NCR1: variants seen among roughly 807,000 people sequenced by gnomAD.
NCR1 encodes NK cell-activating receptor.
In NCR1, 30 loss-of-function variants were observed where a neutral mutation model predicts 32.5. The ratio of observed to expected loss-of-function variants is 0.92; its 90% CI spans 0.69 to 1.25. The LOEUF (loss-of-function observed/expected upper bound fraction) is 1.25. Among genes scored for constraint, NCR1 ranks in the 50% most tolerant of loss-of-function variants. The pLI, the probability that NCR1 is intolerant of heterozygous loss-of-function variation, is 0.00. For synonymous variants in NCR1, 169 were observed against 143.4 expected (o/e 1.18, Z -1.28); for missense variants, 369 against 380.7 (o/e 0.97, Z 0.26).
downstream of NCR1, among the ~76,000 whole-genome samples, chr19:54,915,118 G>A (rs939486522): frequency 3.9e-5 from 6 of 152,098 alleles, no homozygotes; most frequent in Non-Finnish European, 8.8e-5. Flanking sequence ...CGGCATGCAT[G>A]TCCATTTTCC....
chr19:54,933,063 C>G, the NCR1 span, among the ~76,000 whole-genome samples: 1 of 152,188 alleles, frequency 6.6e-6, no homozygotes, highest in African/African-American at 2.4e-5. Flanking sequence ...AACTACTCAT[C>G]TCAAATCTTC....
the NCR1 span, among the ~76,000 whole-genome samples, chr19:54,924,297 C>G: frequency 3.9e-5 from 6 of 152,060 alleles, no homozygotes; most frequent in Non-Finnish European, 7.4e-5. Context: ...AAATTTAGAC[C>G]CACACAATGG....
At chr19:54,912,027 G>A in intron 5 of NCR1, 141 bp from the exon 6 acceptor site, 1 of 722,214 alleles carries the variant, frequency 1.4e-6, no homozygotes, top group Non-Finnish European at 2.5e-6. Context: ...CACTTTACCT[G>A]CTGGATGAAG....
chr19:54,906,392 C>T lies in NCR1; in HGVS notation c.70+58C>T, dbSNP rs587718383. 5.0e-4 allele frequency: 801 copies of T among 1,607,274 alleles called. 10 individuals are homozygous for T. In the South Asian group the frequency reaches 8.2e-3, roughly 17 times the overall value. On this transcript the variant is annotated intron_variant, in intron 2 of 6. Transcript: ENST00000291890. ...TTCCGGATTCAGGCCAAGCTCCTTC[C>T]ACCCAAGCACGGCTGGGGTGAGGGG...
chr19:54,899,267 G>C, the NCR1 span, among the ~76,000 whole-genome samples: 1 of 152,186 alleles, frequency 6.6e-6, no homozygotes, highest in Admixed American at 6.5e-5. Context: ...TTGGGGTCAA[G>C]CAGCATTGCA....
the NCR1 span, chr19:54,923,900 C>T: frequency 7.5e-7 from 1 of 1,336,726 alleles, no homozygotes; most frequent in Non-Finnish European, 9.9e-7. Context: ...CACAAATGTT[C>T]CCAGAAATTC....
intron 5 of NCR1, among the ~76,000 whole-genome samples, chr19:54,910,415 C>A (rs2067911958): frequency 6.6e-6 from 1 of 151,892 alleles, no homozygotes; most frequent in Non-Finnish European, 1.5e-5. Context: ...ACTAAAAATA[C>A]AAAAATTAGC....
At chr19:54,923,694 C>A in the NCR1 span, 2 of 1,609,642 alleles carry the variant, frequency 1.2e-6, no homozygotes, top group Non-Finnish European at 1.7e-6. Flanking sequence ...ATCTTAGAGA[C>A]CCGAATCCCG....
chr19:54,921,690 T>C, the NCR1 span, among the ~76,000 whole-genome samples: 1 of 146,590 alleles, frequency 6.8e-6, no homozygotes, highest in Non-Finnish European at 1.5e-5. Context: ...AAGACTCACT[T>C]GAACCCAGGA....
At chr19:54,929,006 G>C in the NCR1 span, among the ~76,000 whole-genome samples, 1 of 152,074 alleles carries the variant, frequency 6.6e-6, no homozygotes, top group South Asian at 2.1e-4. Context: ...TTGAGCTTTT[G>C]AGTCTTTGGA....
chr19:54,933,014 A>C, the NCR1 span, among the ~76,000 whole-genome samples: 1 of 152,168 alleles, frequency 6.6e-6, no homozygotes, highest in African/African-American at 2.4e-5. Context: ...TGTCATAGGA[A>C]TTTGAAAGAA....
chr19:54,919,702 G>A (rs574834349), downstream of NCR1, among the ~76,000 whole-genome samples: 104 of 143,506 alleles, frequency 7.2e-4, no homozygotes, highest in Admixed American at 1.1e-3. Flanking sequence ...AAACTCCCCC[G>A]GGGAAAGGGA....
downstream of NCR1, among the ~76,000 whole-genome samples, chr19:54,916,702 A>ATTTTTTTTTTTTTTTTT (rs35842513): frequency 2.0e-5 from 1 of 50,480 alleles, no homozygotes; most frequent in Non-Finnish European, 3.4e-5. Flanking sequence ...CAACTGTTCT[A>ATTTTTTTTTTTTTTTTT]TTTTTTTTTT....
upstream of NCR1, among the ~76,000 whole-genome samples, chr19:54,904,170 G>A (rs2067397739): frequency 6.7e-6 from 1 of 148,682 alleles, no homozygotes; most frequent in Non-Finnish European, 1.5e-5. Flanking sequence ...GAAAAGAAAT[G>A]TTTCTTTTCT....
downstream of NCR1, among the ~76,000 whole-genome samples, chr19:54,914,276 A>G (rs1016369292): frequency 3.5e-5 from 5 of 144,094 alleles, no homozygotes; most frequent in African/African-American, 1.3e-4. Flanking sequence ...TTAGTTACAT[A>G]TGTATACATG....
At chr19:54,903,890 C>T (rs1236777190), upstream of NCR1, among the ~76,000 whole-genome samples, 3 of 150,946 alleles carry the variant, frequency 2.0e-5, no homozygotes, top group Admixed American at 6.6e-5. Flanking sequence ...TTTGAGAGGC[C>T]GAGGCAGGAA....
At chr19:54,919,714 ACCCCCCCCCCCACCCG>A (rs1569538255), downstream of NCR1, among the ~76,000 whole-genome samples, 209 of 100,064 alleles carry the variant, frequency 2.1e-3, no homozygotes, top group Middle Eastern at 5.2e-3. Flanking sequence ...GGAAAGGGAG[ACCCCCCCCCCCACCCG>A]CTGCCCCTTT....
the NCR1 span, chr19:54,936,530 A>T: frequency 9.0e-7 from 1 of 1,110,234 alleles, no homozygotes; most frequent in Non-Finnish European, 1.4e-6. Flanking sequence ...AGAAATTATT[A>T]GAAGTTCTTG....
chr19:54,933,156 G>A, the NCR1 span, among the ~76,000 whole-genome samples: 2 of 151,164 alleles, frequency 1.3e-5, no homozygotes, highest in South Asian at 4.2e-4. Flanking sequence ...TTGTTTCTTT[G>A]TTTTTTTGAG....
Sources: gnomAD v4.1 joint callset for allele counts (sites outside exome capture counted in the v4.1 genomes callset) on GRCh38, gnomAD v4.1.1 for gene constraint, MANE v1.5 for transcripts, NCBI Gene and HGNC (gene_info 2026-07-23, HGNC 2026-07-21) for gene names.